Variants in CSMD1 observed in about 807,000 individuals in gnomAD.
CSMD1 encodes CUB and sushi domain-containing protein 1.
CSMD1 carries 213 observed loss-of-function variants against 417.5 expected under a neutral mutation model. The observed-to-expected ratio is 0.51, with a 90% confidence interval of 0.46 to 0.57. The LOEUF (loss-of-function observed/expected upper bound fraction) is 0.57. CSMD1 is among the 20% of genes least tolerant of loss of function. The pLI, the probability that CSMD1 is intolerant of heterozygous loss-of-function variation, is 0.00. For missense variants in CSMD1, 6,923 were observed against 4,529.7 expected (o/e 1.53, Z -15.17); for synonymous variants, 2,862 against 1,736.8 (o/e 1.65, Z -16.11).
intron 1 of CSMD1, chr8:4,787,818 A>T: frequency 1.3e-6 from 2 of 1,574,592 alleles, no homozygotes; most frequent in East Asian, 4.5e-5. Context: ...GTCATGCTAC[A>T]CAGGCTATAT....
At chr8:4,053,237 T>C (rs182534619) in intron 3 of CSMD1, among the ~76,000 whole-genome samples, 5 of 152,346 alleles carry the variant, frequency 3.3e-5, no homozygotes, top group African/African-American at 7.2e-5. Flanking sequence ...ACCGTGTGTT[T>C]AGAACTTAGA....
At chr8:3,119,410 A>AC (rs1817064250) in intron 41 of CSMD1, among the ~76,000 whole-genome samples, 1 of 131,930 alleles carries the variant, frequency 7.6e-6, no homozygotes, top group Non-Finnish European at 1.5e-5. Context: ...AAAAAAAAAA[A>AC]AACACTGTAT....
At chr8:3,444,214 C>T (rs7829788) in intron 12 of CSMD1, among the ~76,000 whole-genome samples, 115,434 of 152,026 alleles carry the variant, frequency 0.76, 44,034 homozygotes, top group African/African-American at 0.85. Flanking sequence ...CCAAGAATCA[C>T]TGGGCTGGAT....
chr8:3,857,194 A>C (rs146800459), intron 5 of CSMD1, among the ~76,000 whole-genome samples: 1 of 152,208 alleles, frequency 6.6e-6, no homozygotes, highest in African/African-American at 2.4e-5. Context: ...AAAAAGTGCC[A>C]AAGTTGTACA....
intron 4 of CSMD1, among the ~76,000 whole-genome samples, chr8:4,028,179 G>C (rs929296425): frequency 3.3e-5 from 5 of 152,224 alleles, no homozygotes; most frequent in Middle Eastern, 3.4e-3. Flanking sequence ...ATCTAGAGTA[G>C]GAACTAGTCA....
At chr8:3,892,534 A>AAATAATAATAATAATAAT (rs34846347) in intron 5 of CSMD1, among the ~76,000 whole-genome samples, 4 of 147,958 alleles carry the variant, frequency 2.7e-5, no homozygotes, top group African/African-American at 1.0e-4. Flanking sequence ...AATTTTGCAA[A>AAATAATAATAATAATAAT]AATAATAATA....
intron 6 of CSMD1, among the ~76,000 whole-genome samples, chr8:3,744,324 C>A (rs1407305594): frequency 6.6e-6 from 1 of 152,050 alleles, no homozygotes; most frequent in Non-Finnish European, 1.5e-5. Context: ...ATCTACTCTG[C>A]CTGTGATACC....
chr8:4,599,284 T>A (rs751530470), intron 2 of CSMD1, among the ~76,000 whole-genome samples: 12 of 152,146 alleles, frequency 7.9e-5, no homozygotes, highest in South Asian at 6.2e-4. Flanking sequence ...AACTGTATAC[T>A]GTGGTGGATC....
chr8:4,068,517 T>TA (rs1344451144), intron 3 of CSMD1, among the ~76,000 whole-genome samples: 1 of 152,208 alleles, frequency 6.6e-6, no homozygotes, highest in Non-Finnish European at 1.5e-5. Context: ...GTTTAGTTTT[T>TA]ACGACACAAA....
At chr8:4,311,070 C>G (rs1440878892) in intron 3 of CSMD1, among the ~76,000 whole-genome samples, 4 of 152,130 alleles carry the variant, frequency 2.6e-5, no homozygotes, top group Non-Finnish European at 5.9e-5. Flanking sequence ...ATTAGTTCAA[C>G]TACTGTGGAA....
At chr8:3,169,348 C>T (rs758128468) in intron 37 of CSMD1, among the ~76,000 whole-genome samples, 10 of 151,836 alleles carry the variant, frequency 6.6e-5, no homozygotes, top group Non-Finnish European at 1.2e-4. Context: ...GTGACTACAT[C>T]AAACATGAAA....
intron 3 of CSMD1, among the ~76,000 whole-genome samples, chr8:4,293,205 G>T (rs1189479639): frequency 1.3e-5 from 2 of 152,144 alleles, no homozygotes; most frequent in Non-Finnish European, 2.9e-5. Flanking sequence ...GAGGAAGAGA[G>T]CCCAATGATG....
rs1264475088 is a variant in CSMD1 at position 4,455,681 on chromosome 8, A to G, written c.303-35616T>C. ...TACAGTGGCTCACCCCTGTAATCTCAGCACTTTGGGAGGCCGAAGCGGGTC... is the reference window on the plus strand; with the variant it reads ...TACAGTGGCTCACCCCTGTAATCTCGGCACTTTGGGAGGCCGAAGCGGGTC... On this transcript the variant is annotated intron_variant, in intron 2 of 69. Coordinates refer to ENST00000635120, the MANE Select transcript of CSMD1 (RefSeq NM_033225.6). 5.3e-5 allele frequency among the ~76,000 whole-genome samples: 8 copies of G among 152,122 alleles called. No individual in the cohort carries two copies. In the East Asian group the frequency reaches 1.4e-3, roughly 26 times the overall value.
chr8:4,499,703 G>T (rs770380877), intron 2 of CSMD1, among the ~76,000 whole-genome samples: 1 of 152,198 alleles, frequency 6.6e-6, no homozygotes, highest in Non-Finnish European at 1.5e-5. Flanking sequence ...AAATGCATTT[G>T]AAGTTAAAGT....
intron 7 of CSMD1, among the ~76,000 whole-genome samples, chr8:3,644,887 G>A (rs767179148): frequency 7.0e-6 from 1 of 142,662 alleles, no homozygotes; most frequent in Non-Finnish European, 1.5e-5. Context: ...CTGCCATGCA[G>A]TGATTAGACA....
chr8:3,196,538 T>C (rs1384826759), intron 33 of CSMD1, among the ~76,000 whole-genome samples: 1 of 152,204 alleles, frequency 6.6e-6, no homozygotes, highest in Non-Finnish European at 1.5e-5. Context: ...CCATTACAGA[T>C]ACTCTTATAC....
chr8:4,216,304 T>A (rs1057245968), intron 3 of CSMD1, among the ~76,000 whole-genome samples: 4 of 152,172 alleles, frequency 2.6e-5, no homozygotes, highest in Non-Finnish European at 4.4e-5. Context: ...TAGTCAATTC[T>A]ATCTGTCACC....
intron 11 of CSMD1, among the ~76,000 whole-genome samples, chr8:3,487,236 C>G (rs1478919991): frequency 6.6e-6 from 1 of 152,258 alleles, no homozygotes; most frequent in Non-Finnish European, 1.5e-5. Context: ...GAGTCTAGCT[C>G]TGTCTCCCAG....
At chr8:4,528,579 T>C (rs985427539) in intron 2 of CSMD1, among the ~76,000 whole-genome samples, 3 of 152,144 alleles carry the variant, frequency 2.0e-5, no homozygotes, top group Admixed American at 6.5e-5. Flanking sequence ...ATTATTTGTA[T>C]CACAAAATAA....
Sources: gnomAD v4.1 joint callset for allele counts (sites outside exome capture counted in the v4.1 genomes callset) on GRCh38, gnomAD v4.1.1 for gene constraint, MANE v1.5 for transcripts, NCBI Gene and HGNC (gene_info 2026-07-23, HGNC 2026-07-21) for gene names.